Variants in EEF1AKMT2 observed in about 807,000 individuals in gnomAD.
EEF1AKMT2 encodes EEF1A lysine methyltransferase 2.
A neutral mutation model predicts 35.8 loss-of-function variants in EEF1AKMT2; 32 were observed. That is an observed-to-expected ratio of 0.89 (90% CI 0.67 to 1.20). The LOEUF (loss-of-function observed/expected upper bound fraction) is 1.20, where lower values mean the gene tolerates loss of function less well. EEF1AKMT2 is among the 50% of genes most tolerant of loss of function. EEF1AKMT2 has a pLI of 0.00. For synonymous variants in EEF1AKMT2, 121 were observed against 133.7 expected (o/e 0.91, Z 0.65); for missense variants, 330 against 347.5 (o/e 0.95, Z 0.40).
At chr10:124,778,492 G>A (rs1000203396) in intron 3 of EEF1AKMT2, among the ~76,000 whole-genome samples, 1 of 152,040 alleles carries the variant, frequency 6.6e-6, no homozygotes, top group Admixed American at 6.6e-5. Context: ...GGGAGGCCAA[G>A]GCAGGCGGAT....
At chr10:124,762,050 T>C (rs1055509538) in intron 6 of EEF1AKMT2, among the ~76,000 whole-genome samples, 1 of 152,252 alleles carries the variant, frequency 6.6e-6, no homozygotes, top group Non-Finnish European at 1.5e-5. Context: ...TAAATTTTCA[T>C]GCTTTGAGCT....
chr10:124,763,475 G>A (rs556238738), intron 5 of EEF1AKMT2, among the ~76,000 whole-genome samples: 1 of 152,230 alleles, frequency 6.6e-6, no homozygotes, highest in Non-Finnish European at 1.5e-5. Context: ...GTGACGCAAG[G>A]CAGTGTATTC....
rs976025061 is a variant in EEF1AKMT2 at position 124,766,000 on chromosome 10, A to G, written c.400-392T>C. ...TTTATTTGGAACTAAGTTCACTGGA[A>G]ATAAGATTTCTTGAAGACAGGAGTC... is the stretch of plus-strand genomic sequence containing the variant. On this transcript the variant is annotated intron_variant, in intron 4 of 6. Coordinates refer to ENST00000368836, the MANE Select transcript of EEF1AKMT2 (RefSeq NM_212554.4). Among the ~76,000 whole-genome samples the G allele has an allele frequency of 1.2e-4, 19 of 152,322 alleles. 1 individual carries two copies. The East Asian group carries it at 2.1e-3, about 17-fold the overall frequency.
chr10:124,788,913 C>T (rs1950611894), intron 3 of EEF1AKMT2, 130 bp downstream of exon 3: 1 of 632,942 alleles, frequency 1.6e-6, no homozygotes, highest in East Asian at 2.8e-5. Flanking sequence ...CCCTTTTGTA[C>T]TATCTGACTT....
At chr10:124,785,809 T>A (rs1320050492) in intron 3 of EEF1AKMT2, among the ~76,000 whole-genome samples, 3 of 144,284 alleles carry the variant, frequency 2.1e-5, no homozygotes, top group Non-Finnish European at 4.5e-5. Context: ...GGCAGGAGAA[T>A]CACTTGAACC....
intron 3 of EEF1AKMT2, among the ~76,000 whole-genome samples, chr10:124,775,481 C>A (rs1431132926): frequency 1.3e-5 from 2 of 152,136 alleles, no homozygotes; most frequent in Non-Finnish European, 2.9e-5. Context: ...CACCCCCTAA[C>A]AACACTAAAC....
At position 124,774,784 on chromosome 10, in the gene EEF1AKMT2, TAG is replaced by T. The variant is rs753380260; in HGVS notation, c.292-4_292-3del. 2 of 1,360,868 alleles carry T rather than the reference TAG, an allele frequency of 1.5e-6. No homozygotes were observed. The highest frequency in any genetic ancestry group is 2.0e-6 in the Non-Finnish European group (2 of 1,023,340). The allele number at this position is 1,360,868 out of a possible 1,614,324, so 84.3% of individuals were successfully genotyped here. ...AATATTAGAGAAACCAAATTTTGCC[TAG>T]AGAGAAATAATTTTATACTTTAGTA... On this transcript the variant is annotated splice_region_variant and splice_polypyrimidine_tract_variant and intron_variant, in intron 3 of 6. Transcript: ENST00000368836.
At chr10:124,790,991 C>A (rs1376899106) in intron 1 of EEF1AKMT2, among the ~76,000 whole-genome samples, 5 of 152,142 alleles carry the variant, frequency 3.3e-5, no homozygotes, top group African/African-American at 1.2e-4. Context: ...TCTCGATCTC[C>A]TGACCTTGTG....
chr10:124,775,811 T>C (rs927913391), intron 3 of EEF1AKMT2, among the ~76,000 whole-genome samples: 1 of 152,328 alleles, frequency 6.6e-6, no homozygotes, highest in East Asian at 1.9e-4. Flanking sequence ...TCCACCCTTT[T>C]AGCTGTATCC....
intron 3 of EEF1AKMT2, among the ~76,000 whole-genome samples, chr10:124,787,217 G>C (rs1950592780): frequency 6.6e-6 from 1 of 151,874 alleles, no homozygotes; most frequent in Admixed American, 6.6e-5. Flanking sequence ...CAAAGCGCTG[G>C]GATTACAGGC....
intron 3 of EEF1AKMT2, among the ~76,000 whole-genome samples, chr10:124,781,926 T>TGAA (rs962495578): frequency 1.1e-4 from 17 of 151,970 alleles, no homozygotes; most frequent in African/African-American, 4.1e-4. Context: ...AACATAAAGG[T>TGAA]GAAAGATCAA....
At position 124,791,870 on chromosome 10, in the gene EEF1AKMT2, T is replaced by C. The variant is rs1950640031; in HGVS notation, c.-37A>G. The C allele has an allele frequency of 3.9e-6, 6 of 1,535,518 alleles. No individual in the cohort carries two copies. The highest frequency in any genetic ancestry group is 5.2e-6 in the Non-Finnish European group (6 of 1,146,714). On this transcript the variant is annotated 5_prime_UTR_variant, in exon 1 of 7. It removes an upstream start codon present in the reference 5' UTR. Coordinates refer to ENST00000368836, the MANE Select transcript of EEF1AKMT2 (RefSeq NM_212554.4). The stretch of plus-strand genomic sequence containing the variant: ...TCCTGGACGGCCGTTGGGGCCGCCA[T>C]AGAGACGGGGCACAGGCAGAGCGGA...
At chr10:124,778,316 T>G (rs1047518080) in intron 3 of EEF1AKMT2, among the ~76,000 whole-genome samples, 15 of 152,040 alleles carry the variant, frequency 9.9e-5, no homozygotes, top group African/African-American at 3.6e-4. Context: ...TGGCTAAGAA[T>G]ACTCCAATAG....
intron 4 of EEF1AKMT2, 24 bp from the exon 5 acceptor site, chr10:124,765,632 G>C: frequency 6.4e-7 from 1 of 1,569,766 alleles, no homozygotes; most frequent in Non-Finnish European, 8.7e-7. Context: ...CAATGTCTAT[G>C]TGAGAACAAT....
chr10:124,767,751 C>A (rs1299771430), intron 4 of EEF1AKMT2, among the ~76,000 whole-genome samples: 1 of 151,972 alleles, frequency 6.6e-6, no homozygotes, highest in Non-Finnish European at 1.5e-5. Flanking sequence ...TTTGGGAGGC[C>A]GAGACGGGTA....
chr10:124,759,031 G>A lies in EEF1AKMT2; in HGVS notation c.*1472C>T, dbSNP rs575609826. On this transcript the variant is annotated 3_prime_UTR_variant, in exon 7 of 7. Coordinates refer to ENST00000368836, the MANE Select transcript of EEF1AKMT2 (RefSeq NM_212554.4). ...ACCCCTCCCCAAAAAGAAAAGGGAC[G>A]TAATGTTAGACTTACTCAATACAGG... 5.9e-5 allele frequency: 9 copies of A among 152,196 alleles called. No homozygotes were observed. The highest frequency in any genetic ancestry group is 1.9e-4 in the East Asian group (1 of 5,188). 9.4% of individuals were successfully genotyped at this position (152,196 alleles called of 1,614,324 possible).
intron 4 of EEF1AKMT2, among the ~76,000 whole-genome samples, chr10:124,772,979 T>C (rs1412984727): frequency 6.6e-6 from 1 of 152,250 alleles, no homozygotes; most frequent in Non-Finnish European, 1.5e-5. Flanking sequence ...ATACCACTTT[T>C]AATTTCCTTA....
intron 4 of EEF1AKMT2, 32 bp downstream of exon 4, chr10:124,774,643 G>A (rs559173279): frequency 4.4e-6 from 5 of 1,125,194 alleles, no homozygotes; most frequent in Admixed American, 3.5e-5. Flanking sequence ...AACCTCTATT[G>A]TAAATATTAT....
chr10:124,781,622 A>AG (rs1396227571), intron 3 of EEF1AKMT2, among the ~76,000 whole-genome samples: 15 of 151,048 alleles, frequency 9.9e-5, no homozygotes, highest in Non-Finnish European at 1.9e-4. Context: ...TTCAGCCAAA[A>AG]AAAAAAAAAA....
Sources: allele counts gnomAD v4.1 joint callset (sites outside exome capture counted in the v4.1 genomes callset), GRCh38; gene constraint gnomAD v4.1.1; transcripts MANE v1.5; gene names NCBI Gene and HGNC (gene_info 2026-07-23, HGNC 2026-07-21).